CBLL1: variants seen among roughly 807,000 people sequenced by gnomAD.
CBLL1 encodes the protein E3 ubiquitin-protein ligase Hakai.
A neutral mutation model predicts 44.9 loss-of-function variants in CBLL1; 4 were observed. The observed-to-expected ratio is 0.09, with a 90% CI of 0.04 to 0.20. The LOEUF (loss-of-function observed/expected upper bound fraction) is 0.20. CBLL1 is among the 10% of genes least tolerant of loss of function. The pLI, the probability that CBLL1 is intolerant of heterozygous loss-of-function variation, is 1.00. For synonymous variants in CBLL1, 235 were observed against 202.2 expected, an observed-to-expected ratio of 1.16 and a Z score of -1.38; for missense variants, 569 against 636.7, an observed-to-expected ratio of 0.89 and a Z score of 1.14.
At chr7:107,744,289 C>T (rs1792887143) in intron 1 of CBLL1, 113 bp downstream of exon 1, 1 of 1,262,928 alleles carries the variant, frequency 7.9e-7, no homozygotes, top group East Asian at 3.0e-5. Context: ...TAGGGTGTGG[C>T]AGTGAGAAGA....
intron 2 of CBLL1, among the ~76,000 whole-genome samples, chr7:107,751,085 G>A (rs1793268540): frequency 6.6e-6 from 1 of 151,818 alleles, no homozygotes; most frequent in South Asian, 2.1e-4. Flanking sequence ...AATCTTTTTG[G>A]CACCAGGACT....
In CBLL1 at chr7:107,759,278, G is replaced by A. The variant is rs764937206; in HGVS notation, c.*100G>A. ...TTGGGAAGGAAGAGTACCTCTTATC[G>A]AGGTAGTATAAAACACATAGGGTCT... On this transcript the variant is annotated 3_prime_UTR_variant, in exon 6 of 6. Transcript: ENST00000440859. 1.2e-5 allele frequency: 13 copies of A among 1,058,426 alleles called. No individual in the cohort carries two copies. The highest frequency in any genetic ancestry group is 2.9e-4 in the Middle Eastern group (1 of 3,460). 65.6% of individuals were successfully genotyped at this position (1,058,426 alleles called of 1,614,324 possible).
intron 1 of CBLL1, 194 bp downstream of exon 1, chr7:107,744,370 T>G: frequency 4.8e-6 from 3 of 618,682 alleles, no homozygotes; most frequent in Non-Finnish European, 7.7e-6. Context: ...GTGTGGTACC[T>G]ACCTCCTCCG....
Position 107,755,454 on chromosome 7 carries a change from AT to A in CBLL1, c.407del (p.Leu136TyrfsTer56). On this transcript the variant is annotated frameshift_variant, in exon 5 of 6. Coordinates refer to ENST00000440859, the MANE Select transcript of CBLL1 (RefSeq NM_024814.4). LOFTEE classifies it high-confidence loss of function. ...CKHVFCYDCA[I>X]LHEKKGDKMC... ...GCATGTTTTTTGCTATGACTGTGCTATTTTACATGAAAAAAAGGGAGATAAG... is the reference window on the plus strand; with the variant it reads ...GCATGTTTTTTGCTATGACTGTGCTATTTACATGAAAAAAAGGGAGATAAG... The A allele has an allele frequency of 1.3e-6, 2 of 1,589,352 alleles. No homozygotes were observed. The highest frequency in any genetic ancestry group is 1.7e-6 in the Non-Finnish European group (2 of 1,166,842).
chr7:107,751,306 A>T (rs1015478023), intron 2 of CBLL1, among the ~76,000 whole-genome samples: 5 of 152,180 alleles, frequency 3.3e-5, no homozygotes, highest in Admixed American at 6.5e-5. Context: ...GTCAAGTGGT[A>T]ATGCTCCCTA....
intron 2 of CBLL1, chr7:107,752,440 G>A: frequency 5.5e-6 from 2 of 366,432 alleles, no homozygotes; most frequent in Middle Eastern, 3.9e-4. Context: ...ATGTGAATGT[G>A]TCTCTCTGTG....
Position 107,758,884 on chromosome 7 carries a change from G to A in CBLL1, c.1182G>A (p.Gln394=). The A allele has an allele frequency of 1.2e-6, 2 of 1,613,850 alleles. No homozygotes were observed. The highest frequency in any genetic ancestry group is 1.7e-6 in the Non-Finnish European group (2 of 1,179,934). ...ITPPPGHIIA[Q]MPPYMNHPPP... is the part of the protein sequence containing the mutation. ...CTCCCCCTGGACATATTATTGCCCA[G>A]ATGCCACCTTATATGAATCATCCTC... The change falls in exon 6 of 6, where the codon CAG becomes CAA. Residue 394 remains glutamine (Q), a synonymous_variant. Coordinates refer to ENST00000440859, the MANE Select transcript of CBLL1 (RefSeq NM_024814.4). The surrounding 1 kb of genome is among the most constrained non-coding windows in gnomAD (Gnocchi z 4.2).
chr7:107,748,518 T>C (rs1793116440), intron 1 of CBLL1, among the ~76,000 whole-genome samples: 2 of 152,198 alleles, frequency 1.3e-5, no homozygotes, highest in South Asian at 4.1e-4. Flanking sequence ...CTTCTTACTC[T>C]TTTTCTTTTA....
At chr7:107,744,267 GC>G in intron 1 of CBLL1, 91 bp downstream of exon 1, 2 of 1,394,748 alleles carry the variant, frequency 1.4e-6, no homozygotes, top group South Asian at 1.4e-5. Context: ...GATTATGCTC[GC>G]CCCACAACAC....
At chr7:107,748,760 A>G (rs1793126587) in intron 1 of CBLL1, 120 bp from the exon 2 acceptor site, 1 of 797,182 alleles carries the variant, frequency 1.3e-6, no homozygotes, top group Non-Finnish European at 1.9e-6. Flanking sequence ...TGTAATATTG[A>G]AAATCAGAAC....
chr7:107,756,126 TGAA>T (rs1366681045), intron 5 of CBLL1, among the ~76,000 whole-genome samples: 1 of 152,180 alleles, frequency 6.6e-6, no homozygotes, highest in African/African-American at 2.4e-5. Context: ...GGGATGGTCT[TGAA>T]GAAAACAGAA....
chr7:107,751,969 A>G (rs1793313989), intron 2 of CBLL1, among the ~76,000 whole-genome samples: 1 of 151,856 alleles, frequency 6.6e-6, no homozygotes, highest in Non-Finnish European at 1.5e-5. Flanking sequence ...GGAGGCTGAG[A>G]CGGGCGGGTC....
chr7:107,755,447 C>A lies in CBLL1; in HGVS notation c.396C>A (p.Asp132Glu). The A allele has an allele frequency of 6.3e-7, 1 of 1,580,972 alleles. No homozygotes were observed. The highest frequency in any genetic ancestry group is 8.6e-7 in the Non-Finnish European group (1 of 1,162,532). ...CATGCAAGCATGTTTTTTGCTATGA[C>A]TGTGCTATTTTACATGAAAAAAAGG... ...MIPCKHVFCY[D>E]CAILHEKKGD... The change falls in exon 5 of 6, where the codon GAC (aspartate) becomes GAA (glutamate). Residue 132 changes from aspartate (D) to glutamate (E), a missense_variant. Asp to Glu is a conservative substitution (Grantham distance 45). Transcript: ENST00000440859.
rs778392938 is a variant in CBLL1 at position 107,758,615 on chromosome 7, G to A, written c.913G>A (p.Ala305Thr). The A allele has an allele frequency of 1.2e-6, 2 of 1,613,940 alleles. No homozygotes were observed. Among genetic ancestry groups the A allele is most frequent in the South Asian group, 2.2e-5 (2 of 91,064 alleles). ...TATTCAGGATGACTCAAATTCAGGT[G>A]CTAGAGAACCACCACCTCCTGCCCC... Reference protein sequence around the residue: ...VPIQDDSNSGAREPPPPAPAP... With the variant: ...VPIQDDSNSGTREPPPPAPAP... Residue 305 changes from alanine (A) to threonine (T), a missense_variant, in exon 6 of 6, where the codon GCT (alanine) becomes ACT (threonine). Coordinates refer to ENST00000440859, the MANE Select transcript of CBLL1 (RefSeq NM_024814.4). The surrounding 1 kb of genome is among the most constrained non-coding windows in gnomAD (Gnocchi z 4.2).
At chr7:107,744,213 GC>G (rs1017843025) in intron 1 of CBLL1, 37 bp downstream of exon 1, 4 of 1,534,736 alleles carry the variant, frequency 2.6e-6, no homozygotes, top group African/African-American at 2.8e-5. Flanking sequence ...CCGGTTCCAA[GC>G]CCCCTTGGCC....
intron 5 of CBLL1, among the ~76,000 whole-genome samples, chr7:107,756,290 G>T (rs1165460934): frequency 6.6e-6 from 1 of 152,118 alleles, no homozygotes; most frequent in African/African-American, 2.4e-5. Flanking sequence ...TGATAACAAA[G>T]CTGTGGACAC....
rs557285769 is a variant in CBLL1 at position 107,745,196 on chromosome 7, T to A, written c.13+1020T>A. On this transcript the variant is annotated intron_variant, in intron 1 of 5. Coordinates refer to ENST00000440859, the MANE Select transcript of CBLL1 (RefSeq NM_024814.4). ...ACACAGACAATACGTTCTTTTTTTT[T>A]AAATTTATTATTTTTTTAATGTTTG... Among the ~76,000 whole-genome samples the A allele has an allele frequency of 2.8e-3, 423 of 152,288 alleles. 2 individuals carry two copies. The highest frequency in any genetic ancestry group is 7.9e-3 in the African/African-American group (327 of 41,570).
chr7:107,755,159 A>AT lies in CBLL1; in HGVS notation c.367-256dup, dbSNP rs1584384495. ...AAAACGTGTGGGGACCATGGGTGAA[A>AT]TTTATAGGGTTTACACCTCCAGAAA... On this transcript the variant is annotated intron_variant, in intron 4 of 5. Coordinates refer to ENST00000440859, the MANE Select transcript of CBLL1 (RefSeq NM_024814.4). Among the ~76,000 whole-genome samples the AT allele has an allele frequency of 2.6e-5, 4 of 152,188 alleles. No individual in the cohort carries two copies. In the East Asian group the frequency reaches 7.7e-4, roughly 29 times the overall value.
intron 1 of CBLL1, 109 bp from the exon 2 acceptor site, chr7:107,748,771 C>G: frequency 1.1e-6 from 1 of 885,786 alleles, no homozygotes; most frequent in South Asian, 2.2e-5. Flanking sequence ...AAATCAGAAC[C>G]CAGATCTTTA....
Sources: allele counts gnomAD v4.1 joint callset (sites outside exome capture counted in the v4.1 genomes callset), GRCh38; gene constraint gnomAD v4.1.1; non-coding constraint Gnocchi (gnomAD v3.1); transcripts MANE v1.5; gene names NCBI Gene and HGNC (gene_info 2026-07-23, HGNC 2026-07-21).